Variants in SUSD5 observed in about 807,000 individuals in gnomAD.
SUSD5 encodes sushi domain containing 5.
A neutral mutation model predicts 29.5 loss-of-function variants in SUSD5; 33 were observed. The ratio of observed to expected loss-of-function variants is 1.12; its 90% CI spans 0.85 to 1.49. The LOEUF (loss-of-function observed/expected upper bound fraction) is 1.49. Among genes scored for constraint, SUSD5 ranks in the 40% most tolerant of loss-of-function variants. The pLI, the probability that SUSD5 is intolerant of heterozygous loss-of-function variation, is 0.00. For synonymous variants in SUSD5, 308 were observed against 325.3 expected, an observed-to-expected ratio of 0.95 and a Z score of 0.57; for missense variants, 776 against 800.6, an observed-to-expected ratio of 0.97 and a Z score of 0.37.
rs1427172027 is a variant in SUSD5, at chr3:33,167,712, TC to T, written c.598+7173del. Among the ~76,000 whole-genome samples, 3 of 152,184 alleles carry T rather than the reference TC, an allele frequency of 2.0e-5. No individual in the cohort carries two copies. The highest frequency in any genetic ancestry group is 4.4e-5 in the Non-Finnish European group (3 of 68,030). On this transcript the variant is annotated intron_variant, in intron 4 of 4. Coordinates refer to ENST00000309558, the MANE Select transcript of SUSD5 (RefSeq NM_015551.2). The surrounding 1 kb of genome is among the most constrained non-coding windows in gnomAD (Gnocchi z 4.1). The stretch of plus-strand genomic sequence containing the variant: ...AAGAAGTATCCAAAGCTTATTTTTC[TC>T]CCCATGGGGAACAGTAACATTTGTT...
rs563381500 is a variant in SUSD5 at position 33,218,255 on chromosome 3, C to G, written c.112+431G>C. Among the ~76,000 whole-genome samples, 122 of 152,302 alleles carry G rather than the reference C, an allele frequency of 8.0e-4. 2 individuals carry two copies. Among genetic ancestry groups the G allele is most frequent in the Admixed American group, 1.8e-3 (28 of 15,304 alleles). ...CACTCATCTTTCACGTCTTCCCGGA[C>G]CAAGCCAAAATATCCGAGGGAGTTT... is the stretch of plus-strand genomic sequence containing the variant. On this transcript the variant is annotated intron_variant, in intron 1 of 4. Transcript: ENST00000309558.
rs772152927 is a variant in SUSD5 at position 33,153,006 on chromosome 3, A to T, written c.1626T>A (p.Phe542Leu). Residue 542 changes from phenylalanine to leucine, a missense_variant, in exon 5 of 5, where the codon TTT becomes TTA. Coordinates refer to ENST00000309558, the MANE Select transcript of SUSD5 (RefSeq NM_015551.2). ...CACCTGGCCCGGGGCCTTCCTGTCC[A>T]AAGAAGTCTTCAGACAGCAGGTATG... is the stretch of plus-strand genomic sequence containing the variant. ...SFPYLLSEDF[F>L]GQEGPGPGAS... The T allele has an allele frequency of 2.0e-5, 33 of 1,613,710 alleles. No homozygotes were observed. Among genetic ancestry groups the T allele is most frequent in the Middle Eastern group, 1.6e-4 (1 of 6,084 alleles).
chr3:33,154,142 CTGT>C (rs1224823547), intron 4 of SUSD5, 109 bp from the exon 5 acceptor site: 1 of 864,290 alleles, frequency 1.2e-6, no homozygotes, highest in East Asian at 2.7e-5. Context: ...ATAAATAATA[CTGT>C]TATTATTCAC....
intron 4 of SUSD5, among the ~76,000 whole-genome samples, chr3:33,165,193 G>C (rs993368354): frequency 3.3e-5 from 5 of 152,170 alleles, no homozygotes; most frequent in African/African-American, 1.2e-4. Context: ...CAAAGAAAAA[G>C]AGTGAACAGC....
intron 1 of SUSD5, among the ~76,000 whole-genome samples, chr3:33,214,394 C>T (rs750581215): frequency 1.1e-4 from 13 of 117,850 alleles, no homozygotes; most frequent in South Asian, 2.9e-4. Context: ...TCTTTTAAAA[C>T]GGTGTTTTAC....
At chr3:33,216,151 G>A (rs1312018631) in intron 1 of SUSD5, among the ~76,000 whole-genome samples, 1 of 151,848 alleles carries the variant, frequency 6.6e-6, no homozygotes, top group African/African-American at 2.4e-5. Context: ...AGAATGAAAG[G>A]GAACATCACT....
rs2030936441 is a variant in SUSD5, at chr3:33,152,835, G to A, written c.1797C>T (p.Arg599=). ...ACACAGAGCTCTTGTGCTGGCACTT[G>A]CGGTAGCCCCACACCATCCCCACAC... ...LAGVGMVWGY[R]KCQHKSSVYK... Residue 599 remains arginine, a synonymous_variant, in exon 5 of 5, where the codon CGC becomes CGT. Transcript: ENST00000309558. The A allele has an allele frequency of 6.2e-7, 1 of 1,613,992 alleles. No homozygotes were observed. The highest frequency in any genetic ancestry group is 1.7e-5 in the Admixed American group (1 of 60,020).
chr3:33,202,287 A>G (rs2032136125), intron 3 of SUSD5, among the ~76,000 whole-genome samples: 2 of 152,166 alleles, frequency 1.3e-5, no homozygotes, highest in African/African-American at 4.8e-5. Flanking sequence ...ATCTGGTATC[A>G]CAGCTGGAAA....
intron 4 of SUSD5, among the ~76,000 whole-genome samples, chr3:33,173,431 A>G (rs1457750443): frequency 2.0e-5 from 3 of 152,268 alleles, no homozygotes; most frequent in Non-Finnish European, 4.4e-5. Context: ...ATAGCAGCAT[A>G]GTTTGTGACA....
In SUSD5 at chr3:33,214,024, C is replaced by T. The variant is rs764731098; in HGVS notation, c.194G>A (p.Gly65Asp). ...CTCGTCTGCAGATGCCAGGTGAGCG[C>T]CCCTGCTCTTGCAGGAAAGCCGAGC... ...EAARLSCKSR[G>D]AHLASADELR... The change falls in exon 2 of 5, where the codon GGC (glycine) becomes GAC (aspartate). Residue 65 changes from glycine to aspartate, a missense_variant. Physicochemically the swap from Gly to Asp is moderately conservative, Grantham distance 94. Coordinates refer to ENST00000309558, the MANE Select transcript of SUSD5 (RefSeq NM_015551.2). The T allele has an allele frequency of 5.0e-6, 8 of 1,613,746 alleles. No homozygotes were observed. In the South Asian group the frequency reaches 5.5e-5, roughly 11 times the overall value.
intron 4 of SUSD5, among the ~76,000 whole-genome samples, chr3:33,163,923 C>A (rs997074338): frequency 1.3e-5 from 2 of 152,234 alleles, no homozygotes; most frequent in African/African-American, 2.4e-5. Flanking sequence ...TGGTGTGAAC[C>A]CGGGAGGCGG....
chr3:33,178,689 C>T (rs1331501566), intron 3 of SUSD5, among the ~76,000 whole-genome samples: 2 of 152,190 alleles, frequency 1.3e-5, no homozygotes, highest in South Asian at 2.1e-4. Flanking sequence ...CTGCCAGCCT[C>T]GGCCTCCCAA....
At chr3:33,175,447 A>G (rs541601762) in intron 3 of SUSD5, among the ~76,000 whole-genome samples, 6 of 152,182 alleles carry the variant, frequency 3.9e-5, no homozygotes, top group African/African-American at 1.4e-4. Flanking sequence ...GCTAAATGTT[A>G]CAGACTACAG....
At chr3:33,207,127 T>C (rs1454771902) in intron 3 of SUSD5, among the ~76,000 whole-genome samples, 1 of 152,194 alleles carries the variant, frequency 6.6e-6, no homozygotes, top group African/African-American at 2.4e-5. Context: ...ACTCAGCTGA[T>C]TTCCCAATAG....
intron 3 of SUSD5, among the ~76,000 whole-genome samples, chr3:33,176,020 T>C (rs1226001199): frequency 6.6e-6 from 1 of 152,232 alleles, no homozygotes; most frequent in Non-Finnish European, 1.5e-5. Flanking sequence ...TCCTTCTCCC[T>C]AAAGATTGCA....
At chr3:33,193,296 C>G (rs1175144487) in intron 3 of SUSD5, among the ~76,000 whole-genome samples, 1 of 152,128 alleles carries the variant, frequency 6.6e-6, no homozygotes, top group African/African-American at 2.4e-5. Context: ...AGGAAGCATG[C>G]CTGGAGACTG....
chr3:33,188,744 G>A (rs2031827296), intron 3 of SUSD5, among the ~76,000 whole-genome samples: 1 of 152,126 alleles, frequency 6.6e-6, no homozygotes, highest in African/African-American at 2.4e-5. Flanking sequence ...GAAGATTATT[G>A]GAAAAGGACT....
At position 33,152,412 on chromosome 3, in the gene SUSD5, T is replaced by G. The variant is rs2030921469; in HGVS notation, c.*330A>C. Reference sequence around the variant, plus strand: ...TCCAGCCTGGGCAACAGCATGAGACTCTGTCTCAAAAAAAAAAAGATAATA... The same window carrying G: ...TCCAGCCTGGGCAACAGCATGAGACGCTGTCTCAAAAAAAAAAAGATAATA... On this transcript the variant is annotated 3_prime_UTR_variant, in exon 5 of 5. Coordinates refer to ENST00000309558, the MANE Select transcript of SUSD5 (RefSeq NM_015551.2). 4.1e-6 allele frequency: 1 copy of G among 243,776 alleles called. No individual in the cohort carries two copies. Among genetic ancestry groups the G allele is most frequent in the Admixed American group, 5.1e-5 (1 of 19,720 alleles). 15.1% of individuals were successfully genotyped at this position (243,776 alleles called of 1,614,324 possible).
At chr3:33,180,849 A>ATT (rs1259692099) in intron 3 of SUSD5, among the ~76,000 whole-genome samples, 2 of 116,280 alleles carry the variant, frequency 1.7e-5, no homozygotes, top group Non-Finnish European at 1.9e-5. Context: ...CAAAAAAAAA[A>ATT]TTTTTTTTTT....
Sources: allele counts gnomAD v4.1 joint callset (sites outside exome capture counted in the v4.1 genomes callset), GRCh38; gene constraint gnomAD v4.1.1; non-coding constraint Gnocchi (gnomAD v3.1); transcripts MANE v1.5; gene names NCBI Gene and HGNC (gene_info 2026-07-23, HGNC 2026-07-21).